BCO1: variants seen among roughly 807,000 people sequenced by gnomAD.
BCO1 encodes the protein beta-carotene oxygenase 1.
A neutral mutation model predicts 56.3 loss-of-function variants in BCO1; 54 were observed. That is an observed-to-expected ratio of 0.96 (90% CI 0.77 to 1.20). The LOEUF (loss-of-function observed/expected upper bound fraction) is 1.20, where lower values mean the gene tolerates loss of function less well. Among genes scored for constraint, BCO1 ranks in the 50% most tolerant of loss-of-function variants. BCO1 has a pLI of 0.00. For missense variants in BCO1, 801 were observed against 690.9 expected, an observed-to-expected ratio of 1.16 and a Z score of -1.79; for synonymous variants, 318 against 266.1, an observed-to-expected ratio of 1.20 and a Z score of -1.90.
At chr16:81,269,595 G>A (rs958965842) in intron 6 of BCO1, among the ~76,000 whole-genome samples, 1 of 152,184 alleles carries the variant, frequency 6.6e-6, no homozygotes, top group Admixed American at 6.5e-5. Context: ...CACCTCCTGA[G>A]TAGTTGGGAT....
Position 81,252,165 on chromosome 16 carries a change from G to A in BCO1, c.193+6562G>A, listed in dbSNP as rs535202394. On this transcript the variant is annotated intron_variant, in intron 2 of 10. Transcript: ENST00000258168. ...TGGGGCTGGATGTTTATAGGAAATG[G>A]GCAGCCTGTTCACTACCCAGCCTGG... 6.8e-4 allele frequency among the ~76,000 whole-genome samples: 103 copies of A among 152,020 alleles called. 1 individual carries two copies. Among genetic ancestry groups the A allele is most frequent in the Non-Finnish European group, 4.7e-4 (32 of 67,956 alleles).
intron 4 of BCO1, among the ~76,000 whole-genome samples, chr16:81,264,324 G>A (rs1906675228): frequency 6.6e-6 from 1 of 152,208 alleles, no homozygotes; most frequent in Admixed American, 6.5e-5. Flanking sequence ...AGCAAGGTCA[G>A]GCAACAGGAT....
chr16:81,264,911 G>T, intron 5 of BCO1, 124 bp downstream of exon 5: 1 of 1,084,850 alleles, frequency 9.2e-7, no homozygotes, highest in Non-Finnish European at 1.4e-6. Flanking sequence ...TTATTGAGGT[G>T]GACCATGAAG....
At chr16:81,253,927 C>G (rs1905966107) in intron 2 of BCO1, among the ~76,000 whole-genome samples, 1 of 152,086 alleles carries the variant, frequency 6.6e-6, no homozygotes, top group Admixed American at 6.6e-5. Context: ...TGCGCCACTG[C>G]CCTTAGCCTG....
At chr16:81,262,006 T>C (rs1289693096) in intron 3 of BCO1, 130 bp from the exon 4 acceptor site, 34 of 1,114,026 alleles carry the variant, frequency 3.1e-5, no homozygotes, top group Non-Finnish European at 3.6e-5. Flanking sequence ...CCTCCCACAG[T>C]GCTGGGATTA....
At chr16:81,254,135 AT>A (rs563948674) in intron 2 of BCO1, among the ~76,000 whole-genome samples, 93 of 151,432 alleles carry the variant, frequency 6.1e-4, no homozygotes, top group African/African-American at 2.1e-3. Flanking sequence ...TTTATTGTAT[AT>A]TTTTTTCTTT....
At position 81,280,936 on chromosome 16, in the gene BCO1, A is replaced by T; in HGVS notation, c.1181A>T (p.Tyr394Phe). 1 of 1,614,068 alleles carries T rather than the reference A, an allele frequency of 6.2e-7. No individual in the cohort carries two copies. The highest frequency in any genetic ancestry group is 8.5e-7 in the Non-Finnish European group (1 of 1,179,914). Residue 394 changes from tyrosine (Y) to phenylalanine (F), a missense_variant, in exon 8 of 11, where the codon TAC becomes TTC. Transcript: ENST00000258168. ...TALKEEDGQV[Y>F]CQPEFLYEGL... ...CTGAAGGAAGAAGATGGCCAAGTCT[A>T]CTGCCAGCCGGAATTTCTTTATGAA...
At chr16:81,255,599 G>C (rs563114949) in intron 2 of BCO1, among the ~76,000 whole-genome samples, 117 of 149,488 alleles carry the variant, frequency 7.8e-4, no homozygotes, top group South Asian at 3.6e-3. Context: ...TCCTGGGTTC[G>C]AGCGATTCTC....
At chr16:81,281,266 C>T (rs1258275501) in intron 8 of BCO1, among the ~76,000 whole-genome samples, 5 of 152,030 alleles carry the variant, frequency 3.3e-5, no homozygotes, top group East Asian at 3.9e-4. Context: ...AGCAACATGG[C>T]GAAACCCCAT....
At chr16:81,285,451 T>A in intron 8 of BCO1, 89 bp from the exon 9 acceptor site, 2 of 975,414 alleles carry the variant, frequency 2.1e-6, no homozygotes, top group Non-Finnish European at 3.3e-6. Context: ...AAACGGATTC[T>A]GAGGAAAGGC....
chr16:81,241,625 G>A (rs772942536), intron 1 of BCO1, among the ~76,000 whole-genome samples: 6 of 152,136 alleles, frequency 3.9e-5, no homozygotes, highest in South Asian at 4.1e-4. Flanking sequence ...GCCCTCAGGC[G>A]ATTCCAAAGG....
At chr16:81,269,855 A>AG (rs1207736373) in intron 6 of BCO1, among the ~76,000 whole-genome samples, 1 of 152,196 alleles carries the variant, frequency 6.6e-6, no homozygotes, top group Non-Finnish European at 1.5e-5. Context: ...GGACAATGGA[A>AG]CAAGGGGACC....
Position 81,289,046 on chromosome 16 carries a change from C to T in BCO1, c.1415-1302C>T, listed in dbSNP as rs549228810. Among the ~76,000 whole-genome samples, 13 of 152,292 alleles carry T rather than the reference C, an allele frequency of 8.5e-5. No individual in the cohort carries two copies. In the South Asian group the frequency reaches 1.7e-3, roughly 19 times the overall value. The stretch of plus-strand genomic sequence containing the variant: ...TACATTCTCTGTGAGGAGGGAGTAT[C>T]GTTGTCTTCATTTTACCAATGGGAT... On this transcript the variant is annotated intron_variant, in intron 10 of 10. Coordinates refer to ENST00000258168, the MANE Select transcript of BCO1 (RefSeq NM_017429.3).
chr16:81,251,941 G>A (rs960761295), intron 2 of BCO1, among the ~76,000 whole-genome samples: 4 of 151,070 alleles, frequency 2.6e-5, no homozygotes, highest in African/African-American at 4.9e-5. Flanking sequence ...ACTTGACCTA[G>A]TTCTAGAAGA....
At chr16:81,283,242 C>G (rs1432506777) in intron 8 of BCO1, among the ~76,000 whole-genome samples, 1 of 152,038 alleles carries the variant, frequency 6.6e-6, no homozygotes, top group East Asian at 1.9e-4. Context: ...GTGATTCACA[C>G]CTATAATCCC....
intron 2 of BCO1, among the ~76,000 whole-genome samples, chr16:81,258,116 C>T (rs1906260614): frequency 6.6e-6 from 1 of 152,120 alleles, no homozygotes; most frequent in Admixed American, 6.6e-5. Flanking sequence ...CAGACCTCCC[C>T]TGGAGCCTCC....
chr16:81,256,450 C>A (rs563470578), intron 2 of BCO1, among the ~76,000 whole-genome samples: 1 of 152,268 alleles, frequency 6.6e-6, no homozygotes, highest in East Asian at 1.9e-4. Flanking sequence ...ATTGTAGCAA[C>A]ACTGGAAGCA....
chr16:81,250,927 A>C (rs1248168020), intron 2 of BCO1, among the ~76,000 whole-genome samples: 1 of 152,130 alleles, frequency 6.6e-6, no homozygotes, highest in African/African-American at 2.4e-5. Flanking sequence ...GCTTGAGTGC[A>C]TCATAGTCCT....
chr16:81,275,492 T>G (rs1308689314), intron 7 of BCO1, among the ~76,000 whole-genome samples: 1 of 152,240 alleles, frequency 6.6e-6, no homozygotes, highest in African/African-American at 2.4e-5. Context: ...TGTAACTCTT[T>G]GTCAACATTT....
Sources: gnomAD v4.1 joint callset for allele counts (sites outside exome capture counted in the v4.1 genomes callset) on GRCh38, gnomAD v4.1.1 for gene constraint, MANE v1.5 for transcripts, NCBI Gene and HGNC (gene_info 2026-07-23, HGNC 2026-07-21) for gene names.